Variants in GAS2L3 observed in about 807,000 individuals in gnomAD.
GAS2L3 encodes GAS2-like protein 3.
A neutral mutation model predicts 37.0 loss-of-function variants in GAS2L3; 28 were observed. That is an observed-to-expected ratio of 0.76 (90% confidence interval 0.56 to 1.04). The LOEUF (loss-of-function observed/expected upper bound fraction) is 1.04, where lower values mean the gene tolerates loss of function less well. Among genes scored for constraint, GAS2L3 ranks in the 50% least tolerant of loss-of-function variants. The probability of loss-of-function intolerance (pLI) is 0.00; values close to 1 mark genes in which losing one functional copy is unlikely to be tolerated. For missense variants in GAS2L3, 793 were observed against 817.6 expected, an observed-to-expected ratio of 0.97 and a Z score of 0.37; for synonymous variants, 290 against 296.6, an observed-to-expected ratio of 0.98 and a Z score of 0.23.
chr12:100,617,774 T>C lies in GAS2L3; in HGVS notation c.476T>C (p.Leu159Pro). ...CACAAAGATCCAAGACAGGTGTATCTTTGTCTTCTTGAAATTGGTCGAATT... is the reference window on the plus strand; with the variant it reads ...CACAAAGATCCAAGACAGGTGTATCCTTGTCTTCTTGAAATTGGTCGAATT... ...VLHKDPRQVY[L>P]CLLEIGRIVS... Residue 159 changes from leucine (L) to proline (P), a missense_variant, in exon 7 of 10, where the codon CTT (leucine) becomes CCT (proline). Leu to Pro is a moderately conservative substitution (Grantham distance 98). Coordinates refer to ENST00000547754, the MANE Select transcript of GAS2L3 (RefSeq NM_174942.3). The C allele has an allele frequency of 6.2e-7, 1 of 1,608,374 alleles. No homozygotes were observed. Among genetic ancestry groups the C allele is most frequent in the Non-Finnish European group, 8.5e-7 (1 of 1,175,358 alleles).
chr12:100,598,922 C>A (rs944055000), intron 3 of GAS2L3, among the ~76,000 whole-genome samples: 4 of 152,192 alleles, frequency 2.6e-5, no homozygotes, highest in Admixed American at 2.6e-4. Flanking sequence ...TGTTACCATT[C>A]TTTTATTGTT....
In GAS2L3 at chr12:100,625,141, T is replaced by C. The variant is rs1956319677; in HGVS notation, c.*251T>C. The C allele has an allele frequency of 6.3e-6, 2 of 316,076 alleles. No homozygotes were observed. The highest frequency in any genetic ancestry group is 1.0e-4 in the East Asian group (2 of 19,348). The allele number at this position is 316,076 out of a possible 1,614,324, so 19.6% of individuals were successfully genotyped here. ...TAATAGACATGTATATGATTTTCAGTCTATAGCATCTTTGTTAACATCTGC... is the reference window on the plus strand; with the variant it reads ...TAATAGACATGTATATGATTTTCAGCCTATAGCATCTTTGTTAACATCTGC... On this transcript the variant is annotated 3_prime_UTR_variant, in exon 10 of 10. Transcript: ENST00000547754.
chr12:100,595,910 T>G (rs1955906035), intron 3 of GAS2L3, among the ~76,000 whole-genome samples: 1 of 152,100 alleles, frequency 6.6e-6, no homozygotes, highest in African/African-American at 2.4e-5. Flanking sequence ...AGATAGTACC[T>G]GTGTCATAAA....
At chr12:100,611,975 G>T (rs1956132077) in intron 5 of GAS2L3, 25 bp from the exon 6 acceptor site, 2 of 1,511,926 alleles carry the variant, frequency 1.3e-6, no homozygotes, top group Non-Finnish European at 9.2e-7. Flanking sequence ...ATACATTTTT[G>T]AAATTATTCT....
At chr12:100,623,411 AC>A in intron 9 of GAS2L3, 150 bp from the exon 10 acceptor site, 1 of 547,790 alleles carries the variant, frequency 1.8e-6, no homozygotes, top group Non-Finnish European at 3.1e-6. Flanking sequence ...TATTAATAAT[AC>A]AAGAAACAAA....
chr12:100,620,517 A>C (rs908991214), intron 8 of GAS2L3, among the ~76,000 whole-genome samples: 3 of 151,906 alleles, frequency 2.0e-5, no homozygotes, highest in Admixed American at 1.3e-4. Context: ...GTACTGCTCA[A>C]TATAAGTGAG....
At chr12:100,609,749 A>G (rs1956103620) in intron 5 of GAS2L3, among the ~76,000 whole-genome samples, 1 of 152,196 alleles carries the variant, frequency 6.6e-6, no homozygotes, top group South Asian at 2.1e-4. Context: ...AGTCCCCTCT[A>G]GCTGGGGTTG....
chr12:100,580,210 A>T (rs190087380), intron 1 of GAS2L3: 3 of 653,380 alleles, frequency 4.6e-6, no homozygotes, highest in African/African-American at 1.8e-5. Flanking sequence ...GAGAGCCTAC[A>T]TTGTAAGATT....
At chr12:100,614,178 C>T (rs1956159953) in intron 6 of GAS2L3, among the ~76,000 whole-genome samples, 1 of 151,756 alleles carries the variant, frequency 6.6e-6, no homozygotes, top group Non-Finnish European at 1.5e-5. Flanking sequence ...AATTTACTAT[C>T]TTAGGCTGGG....
At position 100,624,902 on chromosome 12, in the gene GAS2L3, T is replaced by C. The variant is rs776608437; in HGVS notation, c.*12T>C. 1.3e-6 allele frequency: 2 copies of C among 1,518,180 alleles called. No individual in the cohort carries two copies. Among genetic ancestry groups the C allele is most frequent in the South Asian group, 2.4e-5 (2 of 81,804 alleles). 94.0% of individuals were successfully genotyped at this position (1,518,180 alleles called of 1,614,324 possible). A position where few individuals can be genotyped will look rare whatever the true frequency, so the allele number is the denominator to read the frequency against. ...AACCTAGAAAATAAATACATACTCA[T>C]TATAAAAAAAGAGAAAAGGAAGAAT... On this transcript the variant is annotated 3_prime_UTR_variant, in exon 10 of 10. Transcript: ENST00000547754.
intron 1 of GAS2L3, among the ~76,000 whole-genome samples, chr12:100,581,483 T>C (rs1386405199): frequency 2.6e-5 from 4 of 152,246 alleles, no homozygotes; most frequent in South Asian, 4.1e-4. Flanking sequence ...TCCGTCAGTA[T>C]TGTGATTATG....
chr12:100,614,351 T>C, intron 6 of GAS2L3, among the ~76,000 whole-genome samples: 1 of 151,696 alleles, frequency 6.6e-6, no homozygotes, highest in East Asian at 1.9e-4. Context: ...TAGTCCCAGG[T>C]ACTCAGGAGG....
intron 5 of GAS2L3, among the ~76,000 whole-genome samples, chr12:100,610,738 C>T (rs1025436238): frequency 1.2e-4 from 18 of 151,996 alleles, no homozygotes; most frequent in African/African-American, 4.1e-4. Context: ...TCATGAATTG[C>T]TTATTCAAGT....
rs763619198 is a variant in GAS2L3, at chr12:100,622,262, T to G, written c.649-13T>G. ...TGTGACAAGCACTAAATTTTATTTG[T>G]TCGTCATCTTAGGTTAAACATATTG... On this transcript the variant is annotated splice_polypyrimidine_tract_variant and intron_variant, in intron 8 of 9. Transcript: ENST00000547754. The G allele has an allele frequency of 2.1e-6, 3 of 1,415,068 alleles. No homozygotes were observed. The highest frequency in any genetic ancestry group is 3.0e-6 in the Non-Finnish European group (3 of 1,011,798). The allele number at this position is 1,415,068 out of a possible 1,614,324, so 87.7% of individuals were successfully genotyped here. A position where few individuals can be genotyped will look rare whatever the true frequency, so the allele number is the denominator to read the frequency against.
At chr12:100,621,876 G>GC (rs1565813876) in intron 8 of GAS2L3, among the ~76,000 whole-genome samples, 2 of 117,468 alleles carry the variant, frequency 1.7e-5, no homozygotes, top group African/African-American at 7.0e-5. Context: ...AGGGAGGGTG[G>GC]GGGGGGGAGA....
At chr12:100,620,451 A>T (rs769875650) in intron 8 of GAS2L3, among the ~76,000 whole-genome samples, 4 of 151,938 alleles carry the variant, frequency 2.6e-5, no homozygotes, top group Non-Finnish European at 2.9e-5. Flanking sequence ...TCTTACCTAC[A>T]GCTCTTATTT....
chr12:100,596,170 C>A (rs1321228253), intron 3 of GAS2L3, among the ~76,000 whole-genome samples: 1 of 152,000 alleles, frequency 6.6e-6, no homozygotes, highest in African/African-American at 2.4e-5. Flanking sequence ...CTTATTCTTC[C>A]CCTTTGGGTC....
chr12:100,621,135 T>G (rs1742902450), intron 8 of GAS2L3, among the ~76,000 whole-genome samples: 1 of 152,122 alleles, frequency 6.6e-6, no homozygotes, highest in South Asian at 2.1e-4. Context: ...CTATTGGTGC[T>G]CAGCTAAATT....
At chr12:100,618,391 G>A in intron 7 of GAS2L3, 58 bp from the exon 8 acceptor site, 1 of 1,516,818 alleles carries the variant, frequency 6.6e-7, no homozygotes, top group South Asian at 1.3e-5. Flanking sequence ...ATCTTGATAT[G>A]CAGGCAAGTA....
Sources: allele counts gnomAD v4.1 joint callset (sites outside exome capture counted in the v4.1 genomes callset), GRCh38; gene constraint gnomAD v4.1.1; transcripts MANE v1.5; gene names NCBI Gene and HGNC (gene_info 2026-07-23, HGNC 2026-07-21).